The following USP47 variants were observed in gnomAD, a reference collection of about 807,000 sequenced individuals.
The protein encoded by USP47 is ubiquitin specific peptidase 47, also known as ubiquitin carboxyl-terminal hydrolase 47.
A neutral mutation model predicts 165.1 loss-of-function variants in USP47; 35 were observed. The observed-to-expected ratio is 0.21, with a 90% confidence interval of 0.16 to 0.28. USP47 has a LOEUF of 0.28. USP47 is among the 10% of genes least tolerant of loss of function. USP47 has a pLI of 1.00. For missense variants in USP47, 1,277 were observed against 1,607.4 expected (o/e 0.79, Z 3.52); for synonymous variants, 531 against 544.5 (o/e 0.98, Z 0.35).
chr11:11,883,574 G>A (rs1013887532), intron 2 of USP47, among the ~76,000 whole-genome samples: 1 of 152,122 alleles, frequency 6.6e-6, no homozygotes, highest in Non-Finnish European at 1.5e-5. Context: ...CATAAAATGA[G>A]TATAAGGAGA....
At chr11:11,850,523 T>C (rs1001428971) in intron 1 of USP47, among the ~76,000 whole-genome samples, 1 of 152,044 alleles carries the variant, frequency 6.6e-6, no homozygotes, top group Non-Finnish European at 1.5e-5. Flanking sequence ...AAATTTCCTT[T>C]TTCTGTTTGT....
rs186396159 is a variant in USP47, at chr11:11,869,835, C to G, written c.40-10342C>G. Among the ~76,000 whole-genome samples the G allele has an allele frequency of 2.0e-4, 30 of 152,200 alleles. No individual in the cohort carries two copies. In the East Asian group the frequency reaches 4.8e-3, roughly 25 times the overall value. On this transcript the variant is annotated intron_variant, in intron 1 of 27. Coordinates refer to ENST00000527733, the MANE Select transcript of USP47 (RefSeq NM_001282659.2). ...TTCATTATCGTGGGAGTGGGTTCAC[C>G]CTCTCTTTCACCCTCTTTTTGCTCT...
At chr11:11,866,223 G>C (rs1339557278) in intron 1 of USP47, among the ~76,000 whole-genome samples, 1 of 152,074 alleles carries the variant, frequency 6.6e-6, no homozygotes, top group African/African-American at 2.4e-5. Context: ...TTGTTAAAGA[G>C]AAAATAAAAG....
chr11:11,877,801 CTCTCTGTGTGTG>C (rs1171605804), intron 1 of USP47, among the ~76,000 whole-genome samples: 8 of 50,422 alleles, frequency 1.6e-4, no homozygotes, highest in African/African-American at 5.5e-4. Flanking sequence ...CTCTCTCTCT[CTCTCTGTGTGTG>C]TGTGTGTGTG....
At chr11:11,897,235 A>G (rs1046056088) in intron 4 of USP47, among the ~76,000 whole-genome samples, 13 of 151,774 alleles carry the variant, frequency 8.6e-5, no homozygotes, top group Admixed American at 5.3e-4. Context: ...CTAGTTTAAT[A>G]TGTTTAAAAG....
At chr11:11,931,315 C>G (rs1199978159) in intron 14 of USP47, among the ~76,000 whole-genome samples, 1 of 151,982 alleles carries the variant, frequency 6.6e-6, no homozygotes, top group African/African-American at 2.4e-5. Context: ...ATGGTGAATT[C>G]AATTGGTACA....
intron 8 of USP47, among the ~76,000 whole-genome samples, chr11:11,919,064 T>C (rs1486109169): frequency 1.3e-5 from 2 of 151,774 alleles, no homozygotes; most frequent in Admixed American, 1.3e-4. Flanking sequence ...CTTGTTTCCT[T>C]GTGTTCTGAG....
intron 8 of USP47, among the ~76,000 whole-genome samples, chr11:11,916,366 A>G (rs1441148218): frequency 6.6e-6 from 1 of 152,180 alleles, no homozygotes; most frequent in Non-Finnish European, 1.5e-5. Context: ...AACTGTTGTC[A>G]CTCTGGAATT....
intron 8 of USP47, among the ~76,000 whole-genome samples, chr11:11,915,712 A>G (rs1007122840): frequency 3.3e-5 from 5 of 152,230 alleles, no homozygotes; most frequent in Non-Finnish European, 2.9e-5. Flanking sequence ...AAAAGTATAT[A>G]GGCCTTTTCC....
At chr11:11,853,228 A>G (rs1233376247) in intron 1 of USP47, among the ~76,000 whole-genome samples, 1 of 152,196 alleles carries the variant, frequency 6.6e-6, no homozygotes, top group African/African-American at 2.4e-5. Flanking sequence ...TTAAATATAT[A>G]TATTTAAATA....
At chr11:11,904,284 T>C (rs1450686031) in intron 7 of USP47, among the ~76,000 whole-genome samples, 1 of 152,186 alleles carries the variant, frequency 6.6e-6, no homozygotes, top group African/African-American at 2.4e-5. Flanking sequence ...TGACTGACGC[T>C]GATGAATGAA....
At chr11:11,886,960 A>G (rs370058472) in intron 3 of USP47, among the ~76,000 whole-genome samples, 104 of 152,328 alleles carry the variant, frequency 6.8e-4, no homozygotes, top group African/African-American at 2.4e-3. Context: ...TTCCAACCCA[A>G]AATTTCATAT....
intron 20 of USP47, among the ~76,000 whole-genome samples, chr11:11,947,522 C>CT (rs1318611564): frequency 1.3e-5 from 2 of 152,152 alleles, no homozygotes; most frequent in African/African-American, 4.8e-5. Flanking sequence ...CAGGTGGGCA[C>CT]TATTATCATC....
intron 3 of USP47, among the ~76,000 whole-genome samples, chr11:11,888,497 A>G (rs2134356755): frequency 6.6e-6 from 1 of 152,272 alleles, no homozygotes; most frequent in Non-Finnish European, 1.5e-5. Flanking sequence ...CCAAGACTGA[A>G]CTAGGAAGAA....
At position 11,958,105 on chromosome 11, in the gene USP47, T is replaced by G. The variant is rs1847288986; in HGVS notation, c.*1930T>G. Reference sequence around the variant, plus strand: ...TAGGGTTAGTAAATGGGGTTTCTGCTTTAAAGGACTGACTTGCTATCACAC... The same window carrying G: ...TAGGGTTAGTAAATGGGGTTTCTGCGTTAAAGGACTGACTTGCTATCACAC... On this transcript the variant is annotated 3_prime_UTR_variant, in exon 28 of 28. Coordinates refer to ENST00000527733, the MANE Select transcript of USP47 (RefSeq NM_001282659.2). 6.6e-6 allele frequency: 1 copy of G among 152,224 alleles called. No individual in the cohort carries two copies. Among genetic ancestry groups the G allele is most frequent in the African/African-American group, 2.4e-5 (1 of 41,440 alleles). The allele number at this position is 152,224 out of a possible 1,614,324, so 9.4% of individuals were successfully genotyped here. A position where few individuals can be genotyped will look rare whatever the true frequency, so the allele number is the denominator to read the frequency against.
intron 1 of USP47, among the ~76,000 whole-genome samples, chr11:11,867,142 C>T (rs187131005): frequency 6.6e-6 from 1 of 152,266 alleles, no homozygotes; most frequent in Non-Finnish European, 1.5e-5. Flanking sequence ...GGTGATGCGC[C>T]CACCCGGCCC....
chr11:11,929,820 T>A (rs1482873122), intron 12 of USP47, among the ~76,000 whole-genome samples: 1 of 152,156 alleles, frequency 6.6e-6, no homozygotes, highest in African/African-American at 2.4e-5. Context: ...GGCCTGAACC[T>A]TCATAGGTGC....
chr11:11,923,861 T>C (rs1327396395), intron 11 of USP47, among the ~76,000 whole-genome samples: 1 of 152,252 alleles, frequency 6.6e-6, no homozygotes, highest in African/African-American at 2.4e-5. Context: ...TGTAACTGAG[T>C]ATAGAAACAT....
Position 11,880,390 on chromosome 11 carries a change from T to C in USP47, c.243+10T>C, listed in dbSNP as rs113359028. On this transcript the variant is annotated intron_variant, in intron 2 of 27. Coordinates refer to ENST00000527733, the MANE Select transcript of USP47 (RefSeq NM_001282659.2). Reference sequence around the variant, plus strand: ...CAATACTGCTGATATGGTAAAATCCTAGACTTAAGCTTCTAAAAATGTTAT... The same window carrying C: ...CAATACTGCTGATATGGTAAAATCCCAGACTTAAGCTTCTAAAAATGTTAT... 7.5e-4 allele frequency: 964 copies of C among 1,281,680 alleles called. 7 individuals carry two copies. In the African/African-American group the frequency reaches 0.012, roughly 17 times the overall value. 79.4% of individuals were successfully genotyped at this position (1,281,680 alleles called of 1,614,324 possible). A position where few individuals can be genotyped will look rare whatever the true frequency, so the allele number is the denominator to read the frequency against.
Sources: allele counts gnomAD v4.1 joint callset (sites outside exome capture counted in the v4.1 genomes callset), GRCh38; gene constraint gnomAD v4.1.1; transcripts MANE v1.5; gene names NCBI Gene and HGNC (gene_info 2026-07-23, HGNC 2026-07-21).